The following TBCD variants were observed in gnomAD, a reference collection of about 807,000 sequenced individuals.
TBCD encodes tubulin folding cofactor D, also known as tubulin-specific chaperone D.
A neutral mutation model predicts 169.3 loss-of-function variants in TBCD; 105 were observed. The ratio of observed to expected loss-of-function variants is 0.62; its 90% CI spans 0.53 to 0.73. TBCD has a LOEUF of 0.73. TBCD is among the 30% of genes least tolerant of loss of function. The pLI, the probability that TBCD is intolerant of heterozygous loss-of-function variation, is 0.00. For missense variants in TBCD, 1,444 were observed against 1,600.1 expected (o/e 0.90, Z 1.66); for synonymous variants, 700 against 643.9 (o/e 1.09, Z -1.32).
At chr17:82,783,604 G>A (rs929789103) in intron 7 of TBCD, among the ~76,000 whole-genome samples, 2 of 152,186 alleles carry the variant, frequency 1.3e-5, no homozygotes, top group Admixed American at 6.5e-5. Context: ...AGTCGTACAC[G>A]ACACAGCCTT....
intron 13 of TBCD, among the ~76,000 whole-genome samples, chr17:82,862,192 G>T (rs1470034546): frequency 2.0e-5 from 3 of 152,330 alleles, no homozygotes; most frequent in Middle Eastern, 6.8e-3. Flanking sequence ...AAAGTGCTGG[G>T]ATTACAGGCG....
At chr17:82,767,732 G>A (rs1322480702) in intron 4 of TBCD, among the ~76,000 whole-genome samples, 1 of 152,100 alleles carries the variant, frequency 6.6e-6, no homozygotes, top group Non-Finnish European at 1.5e-5. Context: ...CAAGGTGGGC[G>A]GATCACGAGG....
At chr17:82,825,897 T>C (rs1404950708) in intron 13 of TBCD, among the ~76,000 whole-genome samples, 1 of 152,208 alleles carries the variant, frequency 6.6e-6, no homozygotes, top group Non-Finnish European at 1.5e-5. Flanking sequence ...CCCCGGGAGG[T>C]TGAGGCTGCA....
chr17:82,795,456 T>G, intron 7 of TBCD: 18 of 867,814 alleles, frequency 2.1e-5, no homozygotes, highest in Non-Finnish European at 2.5e-5. Context: ...TTCTGGCCTT[T>G]CCCACTGGGG....
intron 13 of TBCD, among the ~76,000 whole-genome samples, chr17:82,834,921 G>C (rs1455703273): frequency 6.6e-6 from 1 of 152,100 alleles, no homozygotes; most frequent in Admixed American, 6.5e-5. Flanking sequence ...TGGAGGGCTG[G>C]GGGCCGTGGC....
chr17:82,759,050 T>A (rs1256727108), intron 2 of TBCD, among the ~76,000 whole-genome samples: 1 of 152,184 alleles, frequency 6.6e-6, no homozygotes, highest in Non-Finnish European at 1.5e-5. Context: ...GATCTCGCTC[T>A]GTCACCCAGG....
At position 82,832,836 on chromosome 17, in the gene TBCD, G is replaced by A. The variant is rs1236330218; in HGVS notation, c.1318+17902G>A. On this transcript the variant is annotated intron_variant, in intron 13 of 38. Transcript: ENST00000355528. The surrounding 1 kb of genome is among the most constrained non-coding windows in gnomAD (Gnocchi z 4.9). ...GTAACCTGGCTGCTGACTCCCCACC[G>A]TGTTTTCTGTTTTCTGAGTCTGATC... Among the ~76,000 whole-genome samples, 2 of 152,212 alleles carry A rather than the reference G, an allele frequency of 1.3e-5. No homozygotes were observed. The highest frequency in any genetic ancestry group is 4.8e-5 in the African/African-American group (2 of 41,460).
chr17:82,799,259 A>G (rs768671935), intron 8 of TBCD, among the ~76,000 whole-genome samples: 20 of 151,964 alleles, frequency 1.3e-4, no homozygotes, highest in Non-Finnish European at 2.2e-4. Flanking sequence ...CCTGGCCAAC[A>G]TAGTGAAACC....
In TBCD at chr17:82,941,436, C is replaced by A; in HGVS notation, c.3517C>A (p.Arg1173Ser). 6.2e-7 allele frequency: 1 copy of A among 1,602,860 alleles called. No homozygotes were observed. Among genetic ancestry groups the A allele is most frequent in the Non-Finnish European group, 8.5e-7 (1 of 1,176,958 alleles). Reference protein sequence around the residue: ...ELAVVREQRNRLCDLLGVPRP... With the variant: ...ELAVVREQRNSLCDLLGVPRP... ...TGCAGTGGTGAGAGAGCAGCGCAAC[C>A]GTCTGTGTGACCTTCTGGGCGTACC... Residue 1173 changes from arginine to serine, a missense_variant, in exon 38 of 39, where the codon CGT (arginine) becomes AGT (serine). By Grantham distance (110) the Arg-to-Ser change is moderately radical. Coordinates refer to ENST00000355528, the MANE Select transcript of TBCD (RefSeq NM_005993.5).
In TBCD at chr17:82,849,886, CTGTTGGCTGTGCTGT is replaced by C. The variant is rs766850804; in HGVS notation, c.1319-20312_1319-20298del. ...CGCGGCAGCTCTTGAGGCTGTGCTG[CTGTTGGCTGTGCTGT>C]TGTTGGCTGTGCTGTTGTTGGCTGT... is the stretch of plus-strand genomic sequence containing the variant. On this transcript the variant is annotated intron_variant, in intron 13 of 38. Transcript: ENST00000355528. Among the ~76,000 whole-genome samples, 357 of 151,292 alleles carry C rather than the reference CTGTTGGCTGTGCTGT, an allele frequency of 2.4e-3. 3 individuals carry two copies. Among genetic ancestry groups the C allele is most frequent in the Non-Finnish European group, 3.9e-3 (261 of 67,626 alleles).
At chr17:82,791,152 C>T (rs966251356) in intron 7 of TBCD, among the ~76,000 whole-genome samples, 4 of 141,670 alleles carry the variant, frequency 2.8e-5, no homozygotes, top group African/African-American at 8.0e-5. Flanking sequence ...AGTGCAGTGG[C>T]GCGATCTCGG....
chr17:82,838,870 C>A (rs2054214105), intron 13 of TBCD: 2 of 985,452 alleles, frequency 2.0e-6, no homozygotes, highest in Non-Finnish European at 2.4e-6. Flanking sequence ...CAGTCGCCGC[C>A]TCATCCTGAA....
intron 4 of TBCD, among the ~76,000 whole-genome samples, chr17:82,766,863 C>T (rs1304799111): frequency 2.0e-5 from 3 of 152,348 alleles, no homozygotes; most frequent in Non-Finnish European, 4.4e-5. Context: ...TCCCACAGGG[C>T]CTGTGTCATT....
At chr17:82,902,671 G>T (rs2059969783) in intron 18 of TBCD, among the ~76,000 whole-genome samples, 1 of 152,268 alleles carries the variant, frequency 6.6e-6, no homozygotes, top group African/African-American at 2.4e-5. Flanking sequence ...CTGTGGTGCT[G>T]TGGGTTTGGT....
At chr17:82,875,358 T>C (rs1274471872) in intron 14 of TBCD, among the ~76,000 whole-genome samples, 1 of 152,110 alleles carries the variant, frequency 6.6e-6, no homozygotes, top group Non-Finnish European at 1.5e-5. Flanking sequence ...GACAGAGTGG[T>C]TATGTGTTAT....
At chr17:82,887,169 GCGCGCGCGCGCA>G (rs56145065) in intron 15 of TBCD, among the ~76,000 whole-genome samples, 657 of 40,296 alleles carry the variant, frequency 0.016, 4 homozygotes, top group Middle Eastern at 0.049. Flanking sequence ...GTGTGTGTGT[GCGCGCGCGCGCA>G]CGTGCGCTCA....
intron 14 of TBCD, among the ~76,000 whole-genome samples, chr17:82,877,643 G>A (rs1053035800): frequency 6.6e-6 from 1 of 152,170 alleles, no homozygotes; most frequent in African/African-American, 2.4e-5. Flanking sequence ...CCCGGCTGTA[G>A]TTATATAACT....
intron 34 of TBCD, among the ~76,000 whole-genome samples, chr17:82,934,176 C>T (rs2062437255): frequency 6.6e-6 from 1 of 152,248 alleles, no homozygotes; most frequent in Admixed American, 6.5e-5. Flanking sequence ...GCGAGCTCTG[C>T]AGACTTGGAA....
intron 7 of TBCD, 148 bp downstream of exon 7, chr17:82,781,869 C>T: frequency 7.7e-7 from 1 of 1,303,204 alleles, no homozygotes; most frequent in Middle Eastern, 2.7e-4. Flanking sequence ...GGGCAGTTTC[C>T]TTTTCCCTCT....
Sources: gnomAD v4.1 joint callset for allele counts (sites outside exome capture counted in the v4.1 genomes callset) on GRCh38, gnomAD v4.1.1 for gene constraint, Gnocchi (gnomAD v3.1) non-coding constraint, MANE v1.5 for transcripts, NCBI Gene and HGNC (gene_info 2026-07-23, HGNC 2026-07-21) for gene names.